Variants in RPTN observed in about 807,000 individuals in gnomAD.
RPTN encodes intermediate filament-associated protein.
In RPTN, 4 loss-of-function variants were observed where a neutral mutation model predicts 3.6. The observed-to-expected ratio is 1.12, with a 90% CI of 0.55 to 2.55. RPTN has a LOEUF of 2.55. RPTN is among the 30% of genes most tolerant of loss of function. The pLI, the probability that RPTN is intolerant of heterozygous loss-of-function variation, is 0.02. For missense variants in RPTN, 860 were observed against 916.7 expected (o/e 0.94, Z 0.80); for synonymous variants, 293 against 319.3 (o/e 0.92, Z 0.88).
At position 152,156,216 on chromosome 1, in the gene RPTN, A is replaced by T. The variant is rs1268984089; in HGVS notation, c.883T>A (p.Tyr295Asn). 1 of 1,614,076 alleles carries T rather than the reference A, an allele frequency of 6.2e-7. No individual in the cohort carries two copies. The highest frequency in any genetic ancestry group is 1.7e-5 in the Admixed American group (1 of 60,010). The change falls in exon 3 of 3, where the codon TAC (tyrosine) becomes AAC (asparagine). Residue 295 changes from tyrosine to asparagine, a missense_variant. Coordinates refer to ENST00000316073, the MANE Select transcript of RPTN (RefSeq NM_001122965.1). ...TGGTCTTGTCTGTCCGTCTGACCGT[A>T]GTGGGAACTCTGGCCTTGTCTGTCT... is the stretch of plus-strand genomic sequence containing the variant. ...QTDRQGQSSHYGQTDRQDQSY... is the reference protein window; with the variant it reads ...QTDRQGQSSHNGQTDRQDQSY...
chr1:152,155,295 C>G lies in RPTN; in HGVS notation c.1804G>C (p.Glu602Gln). ...QGQNKYFQGT[E>Q]GTRKASYVEQ... ...ACATAAGAGGCTTTTCTTGTTCCTT[C>G]AGTCCCTTGGAAGTACTTATTTTGC... The change falls in exon 3 of 3, where the codon GAA becomes CAA. Residue 602 changes from glutamate (E) to glutamine (Q), a missense_variant. By Grantham distance (29) the Glu-to-Gln change is conservative (BLOSUM62 2). Coordinates refer to ENST00000316073, the MANE Select transcript of RPTN (RefSeq NM_001122965.1). 1.2e-6 allele frequency: 2 copies of G among 1,614,246 alleles called. No individual in the cohort carries two copies. The highest frequency in any genetic ancestry group is 1.7e-6 in the Non-Finnish European group (2 of 1,180,044).
intron 1 of RPTN, 60 bp downstream of exon 1, chr1:152,159,124 C>G (rs1659257192): frequency 6.6e-6 from 1 of 152,664 alleles, no homozygotes. Context: ...CAGCCTGGTG[C>G]ATTATAGGGC....
Position 152,156,743 on chromosome 1 carries a change from C to T in RPTN, c.356G>A (p.Arg119Lys), listed in dbSNP as rs1659214245. 1.2e-6 allele frequency: 2 copies of T among 1,614,072 alleles called. No homozygotes were observed. Among genetic ancestry groups the T allele is most frequent in the African/African-American group, 2.7e-5 (2 of 74,920 alleles). Residue 119 changes from arginine to lysine, a missense_variant, in exon 3 of 3, where the codon AGA becomes AAA. Physicochemically the swap from Arg to Lys is conservative, Grantham distance 26. Coordinates refer to ENST00000316073, the MANE Select transcript of RPTN (RefSeq NM_001122965.1). ...QDCKFPGNTGRQHRQRHEEER... is the reference protein window; with the variant it reads ...QDCKFPGNTGKQHRQRHEEER... ...TTCCTCGTGCCTCTGTCTGTGTTGT[C>T]TGCCTGTGTTTCCTGGGAACTTACA...
At position 152,154,970 on chromosome 1, in the gene RPTN, C is replaced by T. The variant is rs1557823725; in HGVS notation, c.2129G>A (p.Gly710Asp). The T allele has an allele frequency of 4.3e-6, 7 of 1,613,822 alleles. No homozygotes were observed. The highest frequency in any genetic ancestry group is 5.9e-6 in the Non-Finnish European group (7 of 1,179,758). The part of the protein sequence containing the change: ...GLSHWAEEEQ[G>D]HQTWDRHSHE... ...GCTGTGTCTATCCCAAGTTTGATGG[C>T]CCTGCTCTTCCTCTGCCCAGTGGCT... Residue 710 changes from glycine to aspartate, a missense_variant, in exon 3 of 3, where the codon GGC becomes GAC. Gly to Asp is a moderately conservative substitution (Grantham distance 94). Transcript: ENST00000316073.
At chr1:152,157,449 A>G (rs60438363) in intron 2 of RPTN, among the ~76,000 whole-genome samples, 3,637 of 152,282 alleles carry the variant, frequency 0.024, 159 homozygotes, top group African/African-American at 0.083. Flanking sequence ...AGATGTGTGG[A>G]TAGCACTAAA....
chr1:152,154,781 C>A lies in RPTN; in HGVS notation c.2318G>T (p.Arg773Met). Residue 773 changes from arginine (R) to methionine (M), a missense_variant, in exon 3 of 3, where the codon AGG becomes ATG. Arg to Met is a moderately conservative substitution (Grantham distance 91, BLOSUM62 -1). Transcript: ENST00000316073. ...GTTCTGCTCGTCTTCATGGGTTTGC[C>A]TGTCTCGTCTCTGACGGTTCTGCTT... ...EDKQNRQRRDRQTHEDEQNHQ... is the reference protein window; with the variant it reads ...EDKQNRQRRDMQTHEDEQNHQ... The A allele has an allele frequency of 6.2e-7, 1 of 1,613,894 alleles. No homozygotes were observed. Among genetic ancestry groups the A allele is most frequent in the Non-Finnish European group, 8.5e-7 (1 of 1,179,936 alleles).
chr1:152,157,069 G>T, intron 2 of RPTN, 109 bp from the exon 3 acceptor site: 1 of 934,634 alleles, frequency 1.1e-6, no homozygotes, highest in Non-Finnish European at 1.6e-6. Flanking sequence ...ACCTTCCTAG[G>T]TTGAAAAACC....
chr1:152,156,547 C>G lies in RPTN; in HGVS notation c.552G>C (p.Gln184His), dbSNP rs1243637506. The G allele has an allele frequency of 3.1e-6, 5 of 1,614,010 alleles. No homozygotes were observed. The African/African-American group carries it at 5.3e-5, about 17-fold the overall frequency. Reference protein sequence around the residue: ...ERQDRDSHHNQSERQDKDFSF... With the variant: ...ERQDRDSHHNHSERQDKDFSF... ...TGAAATCCTTGTCTTGTCTCTCAGA[C>G]TGATTGTGGTGAGAATCTCTGTCTT... The change falls in exon 3 of 3, where the codon CAG becomes CAC. Residue 184 changes from glutamine to histidine, a missense_variant. Physicochemically the swap from Gln to His is conservative, Grantham distance 24. Transcript: ENST00000316073.
intron 2 of RPTN, 30 bp downstream of exon 2, chr1:152,157,722 C>T: frequency 6.2e-7 from 1 of 1,612,822 alleles, no homozygotes; most frequent in Non-Finnish European, 8.5e-7. Flanking sequence ...CACACTTGAT[C>T]TCATGGGGCT....
chr1:152,155,556 C>T lies in RPTN; in HGVS notation c.1543G>A (p.Asp515Asn). ...TAGTGGAAACTCTGGCCTTGTCTGTCTGTCTGACCATAGTGGGAACTTTGG... is the reference window on the plus strand; with the variant it reads ...TAGTGGAAACTCTGGCCTTGTCTGTTTGTCTGACCATAGTGGGAACTTTGG... ...QGQSSHYGQTDRQGQSFHYGQ... is the reference protein window; with the variant it reads ...QGQSSHYGQTNRQGQSFHYGQ... Residue 515 changes from aspartate (D) to asparagine (N), a missense_variant, in exon 3 of 3, where the codon GAC becomes AAC. By Grantham distance (23) the Asp-to-Asn change is conservative. Coordinates refer to ENST00000316073, the MANE Select transcript of RPTN (RefSeq NM_001122965.1). 2 of 1,604,194 alleles carry T rather than the reference C, an allele frequency of 1.2e-6. No homozygotes were observed. The highest frequency in any genetic ancestry group is 1.7e-6 in the Non-Finnish European group (2 of 1,172,966).
In RPTN at chr1:152,154,821, G is replaced by T. The variant is rs1030232640; in HGVS notation, c.2278C>A (p.Gln760Lys). 2.5e-6 allele frequency: 4 copies of T among 1,613,958 alleles called. No homozygotes were observed. Among genetic ancestry groups the T allele is most frequent in the Middle Eastern group, 1.7e-4 (1 of 6,060 alleles). ...CGGTTCTGCTTGTCTTCATGGGTTT[G>T]CCTGTCTCGTCTCTGATGGCTCTGC... The part of the protein sequence containing the change: ...HEQSHQRRDR[Q>K]THEDKQNRQR... Residue 760 changes from glutamine to lysine, a missense_variant, in exon 3 of 3, where the codon CAA becomes AAA. Transcript: ENST00000316073.
In RPTN at chr1:152,157,885, G is replaced by A. The variant is rs1441611112; in HGVS notation, c.5C>T (p.Ala2Val). The A allele has an allele frequency of 1.2e-6, 2 of 1,613,738 alleles. No homozygotes were observed. The highest frequency in any genetic ancestry group is 2.7e-5 in the African/African-American group (2 of 74,982). The change falls in exon 2 of 3, where the codon GCT (alanine) becomes GTT (valine). Residue 2 changes from alanine to valine, a missense_variant. Physicochemically the swap from Ala to Val is moderately conservative, Grantham distance 64. Coordinates refer to ENST00000316073, the MANE Select transcript of RPTN (RefSeq NM_001122965.1). Reference sequence around the variant, plus strand: ...ACTGAGTATGCTATTCAGGAGTTGAGCCATTTTGACAAGTACGGGTGAACC... The same window carrying A: ...ACTGAGTATGCTATTCAGGAGTTGAACCATTTTGACAAGTACGGGTGAACC... M[A>V]QLLNSILSVI...
At position 152,155,814 on chromosome 1, in the gene RPTN, G is replaced by T; in HGVS notation, c.1285C>A (p.Gln429Lys). The change falls in exon 3 of 3, where the codon CAG becomes AAG. Residue 429 changes from glutamine to lysine, a missense_variant. Gln to Lys is a moderately conservative substitution (Grantham distance 53). Transcript: ENST00000316073. ...DRQGQGSHYG[Q>K]TDRQGQSSHY... ...GAACTCTGGCCTTGTCTGTCTGTCT[G>T]ACCGTAGTGAGAACCCTGGCCTTGT... 1 of 1,609,946 alleles carries T rather than the reference G, an allele frequency of 6.2e-7. No homozygotes were observed. Among genetic ancestry groups the T allele is most frequent in the Non-Finnish European group, 8.5e-7 (1 of 1,178,302 alleles).
rs1659137659 is a variant in RPTN at position 152,153,769 on chromosome 1, A to C, written c.*975T>G. On this transcript the variant is annotated 3_prime_UTR_variant, in exon 3 of 3. Coordinates refer to ENST00000316073, the MANE Select transcript of RPTN (RefSeq NM_001122965.1). ...TATTTTATATAATCAGAAACTAGAA[A>C]GGTATTGAATTGGAATGGGTCCATT... is the stretch of plus-strand genomic sequence containing the variant. The C allele has an allele frequency of 6.6e-6, 1 of 152,378 alleles. No homozygotes were observed. Among genetic ancestry groups the C allele is most frequent in the Non-Finnish European group, 1.5e-5 (1 of 68,046 alleles). 9.4% of individuals were successfully genotyped at this position (152,378 alleles called of 1,614,324 possible).
In RPTN at chr1:152,156,794, T is replaced by TGC; in HGVS notation, c.304_305insGC (p.Glu102GlyfsTer110). The TGC allele has an allele frequency of 3.1e-6, 5 of 1,614,194 alleles. No homozygotes were observed. The highest frequency in any genetic ancestry group is 4.2e-6 in the Non-Finnish European group (5 of 1,180,032). On this transcript the variant is annotated frameshift_variant, in exon 3 of 3. Coordinates refer to ENST00000316073, the MANE Select transcript of RPTN (RefSeq NM_001122965.1). LOFTEE classifies it low-confidence loss of function (END_TRUNC). Reference sequence around the variant, plus strand: ...GTCTTGTGCTCCTTCCTGCCCCCTTTCTTGCTGTGAGGTCCTGCCTCCATG... The same window carrying TGC: ...GTCTTGTGCTCCTTCCTGCCCCCTTTGCCTTGCTGTGAGGTCCTGCCTCCATG...
In RPTN at chr1:152,156,553, G is replaced by A. The variant is rs1257374641; in HGVS notation, c.546C>T (p.His182=). The change falls in exon 3 of 3, where the codon CAC becomes CAT. Residue 182 remains histidine (H), a synonymous_variant. Coordinates refer to ENST00000316073, the MANE Select transcript of RPTN (RefSeq NM_001122965.1). ...CCTTGTCTTGTCTCTCAGACTGATT[G>A]TGGTGAGAATCTCTGTCTTGTCTCT... is the stretch of plus-strand genomic sequence containing the variant. ...QPERQDRDSH[H]NQSERQDKDF... 6.2e-7 allele frequency: 1 copy of A among 1,613,866 alleles called. No individual in the cohort carries two copies. Among genetic ancestry groups the A allele is most frequent in the East Asian group, 2.2e-5 (1 of 44,866 alleles).
At position 152,154,504 on chromosome 1, in the gene RPTN, T is replaced by G; in HGVS notation, c.*240A>C. The G allele has an allele frequency of 1.6e-6, 1 of 607,990 alleles. No individual in the cohort carries two copies. The highest frequency in any genetic ancestry group is 2.9e-6 in the Non-Finnish European group (1 of 350,760). 37.7% of individuals were successfully genotyped at this position (607,990 alleles called of 1,614,324 possible). ...CTCCCTTGGCAGGGTGACCACGCTG[T>G]TCTCTGGTTTGGGGCCTCCCACTGC... On this transcript the variant is annotated 3_prime_UTR_variant, in exon 3 of 3. Coordinates refer to ENST00000316073, the MANE Select transcript of RPTN (RefSeq NM_001122965.1).
At chr1:152,158,093 G>A (rs1659242736) in intron 1 of RPTN, among the ~76,000 whole-genome samples, 184 bp from the exon 2 acceptor site, 1 of 152,128 alleles carries the variant, frequency 6.6e-6, no homozygotes, top group Admixed American at 6.5e-5. Flanking sequence ...TATAGTGGGA[G>A]ATGGTGCAAA....
At chr1:152,158,934 A>T (rs1348866112) in intron 1 of RPTN, among the ~76,000 whole-genome samples, 1 of 152,194 alleles carries the variant, frequency 6.6e-6, no homozygotes, top group Non-Finnish European at 1.5e-5. Context: ...TAAGCTATTC[A>T]TCAATTGTTC....
Sources: allele counts gnomAD v4.1 joint callset (sites outside exome capture counted in the v4.1 genomes callset), GRCh38; gene constraint gnomAD v4.1.1; transcripts MANE v1.5; gene names NCBI Gene and HGNC (gene_info 2026-07-23, HGNC 2026-07-21).